The following DENND1A variants were observed in gnomAD, a reference collection of about 807,000 sequenced individuals.
The protein encoded by DENND1A is DENN domain-containing protein 1A.
In DENND1A, 51 loss-of-function variants were observed where a neutral mutation model predicts 113.7. The ratio of observed to expected loss-of-function variants is 0.45; its 90% confidence interval spans 0.36 to 0.57. DENND1A has a LOEUF of 0.57. Among genes scored for constraint, DENND1A ranks in the 20% least tolerant of loss-of-function variants. The pLI, the probability that DENND1A is intolerant of heterozygous loss-of-function variation, is 0.00. For missense variants in DENND1A, 1,258 were observed against 1,395.9 expected (o/e 0.90, Z 1.57); for synonymous variants, 565 against 570.8 (o/e 0.99, Z 0.14).
chr9:123,430,042 C>T (rs1181575548), intron 19 of DENND1A, among the ~76,000 whole-genome samples: 5 of 152,240 alleles, frequency 3.3e-5, no homozygotes, highest in African/African-American at 9.6e-5. Context: ...GACATGGACA[C>T]TTCTCAAAAG....
intron 12 of DENND1A, among the ~76,000 whole-genome samples, chr9:123,582,316 A>G (rs1042527604): frequency 2.0e-5 from 3 of 152,088 alleles, no homozygotes; most frequent in African/African-American, 7.2e-5. Flanking sequence ...GGAAGAGGAG[A>G]GGTCTGGACA....
intron 3 of DENND1A, among the ~76,000 whole-genome samples, chr9:123,775,612 A>G: frequency 6.6e-6 from 1 of 152,244 alleles, no homozygotes; most frequent in East Asian, 1.9e-4. Flanking sequence ...AATGCACACA[A>G]AAATGTGCAC....
chr9:123,497,744 TTC>T (rs2052061979), intron 13 of DENND1A, among the ~76,000 whole-genome samples: 3 of 151,880 alleles, frequency 2.0e-5, no homozygotes, highest in South Asian at 2.1e-4. Context: ...CTCATCTATC[TTC>T]TGTTTCACCA....
At chr9:123,923,393 C>T (rs1011355716) in intron 1 of DENND1A, among the ~76,000 whole-genome samples, 8 of 152,144 alleles carry the variant, frequency 5.3e-5, no homozygotes, top group African/African-American at 1.9e-4. Context: ...CTACATTCTC[C>T]TTTGGGGACA....
chr9:123,713,861 A>G (rs1468318745), intron 5 of DENND1A, among the ~76,000 whole-genome samples: 1 of 152,190 alleles, frequency 6.6e-6, no homozygotes, highest in Non-Finnish European at 1.5e-5. Flanking sequence ...TCCCAAGGTC[A>G]TATAGTTTAT....
rs550607029 is a variant in DENND1A at position 123,630,444 on chromosome 9, C to G, written c.651G>C (p.Met217Ile). The G allele has an allele frequency of 1.9e-6, 3 of 1,601,402 alleles. No individual in the cohort carries two copies. The highest frequency in any genetic ancestry group is 3.4e-5 in the Admixed American group (2 of 58,062). The change falls in exon 10 of 24, where the codon ATG becomes ATC. Residue 217 changes from methionine (M) to isoleucine (I), a missense_variant. Met to Ile is a conservative substitution (Grantham distance 10). Transcript: ENST00000394215. ...CGTGCTGCCAGTACATGGGGTAGAG[C>G]ATCGCCGCAGACCCGTGGATGCAGG... ...LTACIHGSAA[M>I]LYPMYWQHVY...
intron 19 of DENND1A, among the ~76,000 whole-genome samples, chr9:123,420,446 G>T (rs778911025): frequency 6.6e-5 from 10 of 152,154 alleles, no homozygotes; most frequent in Non-Finnish European, 1.5e-4. Context: ...GCTCAGGATC[G>T]AAGGGGGTCC....
At chr9:123,470,689 ATGAAAAGCCCTAACCCCCTAAC>A (rs1459441526) in intron 13 of DENND1A, among the ~76,000 whole-genome samples, 1 of 152,200 alleles carries the variant, frequency 6.6e-6, no homozygotes, top group Admixed American at 6.5e-5. Context: ...GTCTCCACAA[ATGAAAAGCCCTAACCCCCTAAC>A]TGAGGAGACA....
chr9:123,596,040 A>G (rs1211580339), intron 11 of DENND1A, among the ~76,000 whole-genome samples: 2 of 152,166 alleles, frequency 1.3e-5, no homozygotes, highest in Non-Finnish European at 2.9e-5. Flanking sequence ...AAAGGTGTCA[A>G]CACCTTTCCC....
chr9:123,795,036 T>C (rs1330745663), intron 2 of DENND1A, among the ~76,000 whole-genome samples: 1 of 152,214 alleles, frequency 6.6e-6, no homozygotes, highest in African/African-American at 2.4e-5. Flanking sequence ...AGAGAATACA[T>C]GCATTATTAG....
In DENND1A at chr9:123,770,527, T is replaced by G. The variant is rs547942760; in HGVS notation, c.133-964A>C. The stretch of plus-strand genomic sequence containing the variant: ...TTAGTTATTATTTCCTTCACAGAAT[T>G]TTCCTTAGCTTAACTTAATTTAACT... On this transcript the variant is annotated intron_variant, in intron 3 of 23. Coordinates refer to ENST00000394215, the MANE Select transcript of DENND1A (RefSeq NM_001352964.2). Among the ~76,000 whole-genome samples, 28 of 152,304 alleles carry G rather than the reference T, an allele frequency of 1.8e-4. 1 individual carries two copies. In the South Asian group the frequency reaches 2.3e-3, roughly 12 times the overall value.
chr9:123,486,677 C>T (rs139061776), intron 13 of DENND1A, among the ~76,000 whole-genome samples: 159 of 152,282 alleles, frequency 1.0e-3, no homozygotes, highest in African/African-American at 3.7e-3. Flanking sequence ...CCTTAGAGCC[C>T]AGTGCTGGTG....
chr9:123,414,820 C>A (rs2044594169), intron 19 of DENND1A, among the ~76,000 whole-genome samples: 1 of 152,176 alleles, frequency 6.6e-6, no homozygotes, highest in Non-Finnish European at 1.5e-5. Context: ...TCTGGTAAAA[C>A]CCCGCCTCAC....
chr9:123,885,969 G>T (rs367602286), intron 1 of DENND1A, among the ~76,000 whole-genome samples: 41 of 152,062 alleles, frequency 2.7e-4, no homozygotes, highest in African/African-American at 8.9e-4. Context: ...GGAGAGATGG[G>T]GTTTCACCAT....
intron 3 of DENND1A, among the ~76,000 whole-genome samples, chr9:123,781,385 G>A (rs953304812): frequency 1.3e-5 from 2 of 152,142 alleles, no homozygotes; most frequent in African/African-American, 4.8e-5. Context: ...TGTTTCATCT[G>A]CCTTGTGATG....
At chr9:123,614,912 G>T (rs138767194) in intron 10 of DENND1A, among the ~76,000 whole-genome samples, 1 of 152,294 alleles carries the variant, frequency 6.6e-6, no homozygotes, top group African/African-American at 2.4e-5. Context: ...TTTTGTAAAA[G>T]ACACAAACGT....
At chr9:123,676,669 T>C (rs780012465) in intron 6 of DENND1A, 51 bp downstream of exon 6, 3 of 1,552,536 alleles carry the variant, frequency 1.9e-6, no homozygotes, top group Non-Finnish European at 2.6e-6. Context: ...TTTTTCATCA[T>C]AAAAATTAAA....
intron 2 of DENND1A, among the ~76,000 whole-genome samples, chr9:123,860,205 C>T (rs1272419371): frequency 6.6e-6 from 1 of 152,110 alleles, no homozygotes; most frequent in Non-Finnish European, 1.5e-5. Context: ...GGTCAATAAG[C>T]CCTTAGAACA....
intron 11 of DENND1A, among the ~76,000 whole-genome samples, chr9:123,604,817 C>T (rs1039968894): frequency 6.6e-6 from 1 of 152,156 alleles, no homozygotes; most frequent in African/African-American, 2.4e-5. Context: ...CCTGGGAACC[C>T]AAGAGCTCCT....
Sources: gnomAD v4.1 joint callset for allele counts (sites outside exome capture counted in the v4.1 genomes callset) on GRCh38, gnomAD v4.1.1 for gene constraint, MANE v1.5 for transcripts, NCBI Gene and HGNC (gene_info 2026-07-23, HGNC 2026-07-21) for gene names.